The following EYA1 variants were observed in gnomAD, a reference collection of about 807,000 sequenced individuals.
EYA1 encodes the protein EYA transcriptional coactivator and phosphatase 1.
EYA1 carries 16 observed loss-of-function variants against 82.0 expected under a neutral mutation model. The ratio of observed to expected loss-of-function variants is 0.20; its 90% confidence interval spans 0.13 to 0.30. The LOEUF (loss-of-function observed/expected upper bound fraction) is 0.30, where lower values mean the gene tolerates loss of function less well. EYA1 is among the 10% of genes least tolerant of loss of function. The pLI is 1.00. For synonymous variants in EYA1, 261 were observed against 264.4 expected (o/e 0.99, Z 0.12); for missense variants, 633 against 730.7 (o/e 0.87, Z 1.54).
At chr8:71,329,621 A>C (rs914961017) in intron 4 of EYA1, among the ~76,000 whole-genome samples, 3 of 152,178 alleles carry the variant, frequency 2.0e-5, no homozygotes, top group African/African-American at 7.2e-5. Context: ...GTCACTTCGG[A>C]GGAAAAAGTA....
At chr8:71,357,396 C>T (rs1235918873) in intron 1 of EYA1, among the ~76,000 whole-genome samples, 6 of 152,252 alleles carry the variant, frequency 3.9e-5, no homozygotes, top group Admixed American at 3.9e-4. Flanking sequence ...ACAGTCACTG[C>T]CCTTCTTCCA....
chr8:71,227,671 T>G lies in EYA1; in HGVS notation c.1141-10648A>C, dbSNP rs56085615. Among the ~76,000 whole-genome samples the G allele has an allele frequency of 5.5e-3, 836 of 152,326 alleles. 11 individuals are homozygous for G. The highest frequency in any genetic ancestry group is 0.019 in the African/African-American group (787 of 41,572). On this transcript the variant is annotated intron_variant, in intron 12 of 17. Transcript: ENST00000340726. ...GCTCCAATATTAAATAGGTCATACA[T>G]TATTTTTTTTTCTGGAGCAATTTCC...
At chr8:71,307,703 C>T (rs1344925183) in intron 7 of EYA1, among the ~76,000 whole-genome samples, 1 of 152,076 alleles carries the variant, frequency 6.6e-6, no homozygotes, top group East Asian at 1.9e-4. Context: ...AAAATCTCAC[C>T]TATTTGAGCG....
chr8:71,389,731 A>G (rs1240256269), intron 2 of EYA1, among the ~76,000 whole-genome samples: 1 of 152,158 alleles, frequency 6.6e-6, no homozygotes, highest in Admixed American at 6.6e-5. Context: ...AGTTTCGTAC[A>G]AGATCATAAC....
intron 2 of EYA1, among the ~76,000 whole-genome samples, chr8:71,443,341 G>A (rs1806577097): frequency 6.6e-6 from 1 of 152,188 alleles, no homozygotes; most frequent in Non-Finnish European, 1.5e-5. Context: ...GCCCAGGCTG[G>A]AGCGCAGTGG....
At chr8:71,477,434 A>T (rs2129207781) in intron 2 of EYA1, among the ~76,000 whole-genome samples, 1 of 152,210 alleles carries the variant, frequency 6.6e-6, no homozygotes, top group South Asian at 2.1e-4. Context: ...TTCTAAAGAA[A>T]ATACACAAAT....
chr8:71,235,536 T>C (rs1314653756), intron 12 of EYA1, among the ~76,000 whole-genome samples: 1 of 152,090 alleles, frequency 6.6e-6, no homozygotes, highest in East Asian at 1.9e-4. Context: ...AATGCCCCAC[T>C]CCAATTCATC....
chr8:71,483,183 C>T lies in EYA1; in HGVS notation c.33+52561G>A, dbSNP rs527697758. Among the ~76,000 whole-genome samples the T allele has an allele frequency of 1.7e-4, 26 of 152,314 alleles. 1 individual carries two copies. The South Asian group carries it at 3.3e-3, about 19-fold the overall frequency. ...TGCTCCTTGCTGCTGCTAAAACATT[C>T]CTTGAATATTGCTGTCCCAGGGCCT... On this transcript the variant is annotated intron_variant, in intron 2 of 18. Coordinates refer to the EYA1 transcript ENST00000643681.
chr8:71,302,088 C>T (rs1820260652), intron 7 of EYA1, among the ~76,000 whole-genome samples: 1 of 151,794 alleles, frequency 6.6e-6, no homozygotes, highest in Non-Finnish European at 1.5e-5. Flanking sequence ...GATATCAATG[C>T]TTTTTTAAAA....
intron 2 of EYA1, among the ~76,000 whole-genome samples, chr8:71,480,606 C>T (rs1425492077): frequency 6.6e-6 from 1 of 151,836 alleles, no homozygotes; most frequent in Non-Finnish European, 1.5e-5. Context: ...AGAAAAAAAT[C>T]CCATGAATTC....
chr8:71,485,093 T>C (rs1810462261), intron 2 of EYA1, among the ~76,000 whole-genome samples: 1 of 152,252 alleles, frequency 6.6e-6, no homozygotes, highest in South Asian at 2.1e-4. Flanking sequence ...GCGTATTTCA[T>C]TTTCAAACTG....
chr8:71,415,478 A>T (rs13266583), intron 2 of EYA1, among the ~76,000 whole-genome samples: 110,414 of 152,100 alleles, frequency 0.73, 41,017 homozygotes, highest in African/African-American at 0.84. Flanking sequence ...TACCCTAAAC[A>T]CAGAGAGCTA....
At chr8:71,233,539 G>T (rs1245810054) in intron 12 of EYA1, among the ~76,000 whole-genome samples, 1 of 150,402 alleles carries the variant, frequency 6.6e-6, no homozygotes, top group African/African-American at 2.4e-5. Context: ...ACTCCATCCT[G>T]GGCGACAGAG....
intron 1 of EYA1, among the ~76,000 whole-genome samples, chr8:71,361,165 G>A (rs1398339117): frequency 6.6e-6 from 1 of 152,110 alleles, no homozygotes; most frequent in African/African-American, 2.4e-5. Context: ...TCAATTTAAT[G>A]TTGTTATCTG....
intron 11 of EYA1, among the ~76,000 whole-genome samples, chr8:71,250,514 G>T (rs574906739): frequency 2.1e-4 from 32 of 152,280 alleles, no homozygotes; most frequent in African/African-American, 7.7e-4. Flanking sequence ...TTTAATCCCT[G>T]TATCTTCCTC....
chr8:71,300,752 A>C (rs551921003), intron 7 of EYA1, among the ~76,000 whole-genome samples: 2 of 152,330 alleles, frequency 1.3e-5, no homozygotes, highest in South Asian at 4.1e-4. Context: ...AGAAAATGGA[A>C]TACTATGAAG....
At chr8:71,405,742 G>C (rs978313733) in intron 2 of EYA1, among the ~76,000 whole-genome samples, 2 of 152,078 alleles carry the variant, frequency 1.3e-5, no homozygotes, top group African/African-American at 4.8e-5. Flanking sequence ...GTTATTTGAT[G>C]AGCATGTGCA....
intron 2 of EYA1, among the ~76,000 whole-genome samples, chr8:71,447,754 C>T (rs1331131508): frequency 6.6e-6 from 1 of 152,136 alleles, no homozygotes; most frequent in African/African-American, 2.4e-5. Flanking sequence ...TCTAATAATA[C>T]AATGTACACA....
chr8:71,393,776 C>A (rs2129114808), intron 2 of EYA1, among the ~76,000 whole-genome samples: 1 of 152,228 alleles, frequency 6.6e-6, no homozygotes, highest in South Asian at 2.1e-4. Context: ...GTCTTAATAG[C>A]AGCATGATTT....
Sources: allele counts gnomAD v4.1 joint callset (sites outside exome capture counted in the v4.1 genomes callset), GRCh38; gene constraint gnomAD v4.1.1; transcripts MANE v1.5; gene names NCBI Gene and HGNC (gene_info 2026-07-23, HGNC 2026-07-21).